KLK10: variants seen among roughly 807,000 people sequenced by gnomAD.
KLK10 encodes kallikrein related peptidase 10, also known as kallikrein-10.
KLK10 carries 27 observed loss-of-function variants against 25.7 expected under a neutral mutation model. The ratio of observed to expected loss-of-function variants is 1.05; its 90% CI spans 0.77 to 1.45. The LOEUF is 1.45. Among genes scored for constraint, KLK10 ranks in the 40% most tolerant of loss-of-function variants. KLK10 has a pLI of 0.00. For synonymous variants in KLK10, 173 were observed against 160.1 expected (o/e 1.08, Z -0.61); for missense variants, 386 against 370.0 (o/e 1.04, Z -0.35).
At position 51,019,059 on chromosome 19, in the gene KLK10, C is replaced by T. The variant is rs762602094; in HGVS notation, c.72G>A (p.Leu24=). The change falls in exon 2 of 6, where the codon CTG becomes CTA. Residue 24 remains leucine (L), a synonymous_variant. Coordinates refer to ENST00000358789, the MANE Select transcript of KLK10 (RefSeq NM_145888.3). The surrounding 1 kb of genome is among the most constrained non-coding windows in gnomAD (Gnocchi z 4.2). ...CGACCTTACCCCAGAGTTGCGCCATCAGCAGCGGCAGCAGCTTCGCCAGAG... is the reference window on the plus strand; with the variant it reads ...CGACCTTACCCCAGAGTTGCGCCATTAGCAGCGGCAGCAGCTTCGCCAGAG... ...ARALAKLLPL[L]MAQLWAAEAA... 4 of 1,604,048 alleles carry T rather than the reference C, an allele frequency of 2.5e-6. No individual in the cohort carries two copies. Among genetic ancestry groups the T allele is most frequent in the Non-Finnish European group, 3.4e-6 (4 of 1,178,972 alleles).
chr19:51,018,800 T>C, intron 2 of KLK10: 1 of 571,930 alleles, frequency 1.7e-6, no homozygotes, highest in Non-Finnish European at 3.1e-6. Context: ...CGGCGAAGAG[T>C]CCACGGAAGA....
chr19:51,018,019 A>G (rs1369432053), intron 2 of KLK10, among the ~76,000 whole-genome samples: 24 of 146,120 alleles, frequency 1.6e-4, no homozygotes, highest in African/African-American at 6.1e-4. Context: ...AAAAAAAAAA[A>G]AAAAAAGCCG....
At position 51,013,336 on chromosome 19, in the gene KLK10, C is replaced by G. The variant is rs1236814324; in HGVS notation, c.*1464G>C. The G allele has an allele frequency of 6.6e-6, 1 of 152,168 alleles. No individual in the cohort carries two copies. 9.4% of individuals were successfully genotyped at this position (152,168 alleles called of 1,614,324 possible). On this transcript the variant is annotated 3_prime_UTR_variant, in exon 6 of 6. Transcript: ENST00000358789. ...AAAGGACAAACAAACAAACAAAAAC[C>G]CCGTGCTTAATGGGAAATTTCTGTT... is the stretch of plus-strand genomic sequence containing the variant.
rs773134476 is a variant in KLK10 at position 51,018,337 on chromosome 19, AAAAG to A, written c.88+702_88+705del. On this transcript the variant is annotated intron_variant, in intron 2 of 5. Coordinates refer to ENST00000358789, the MANE Select transcript of KLK10 (RefSeq NM_145888.3). ...ACGAAAGAAAGAAAAGAAAGAAAGA[AAAAG>A]AAAAAAGAGAGAGAAAGGGAAAGAG... is the stretch of plus-strand genomic sequence containing the variant. The A allele has an allele frequency of 7.2e-5, 11 of 152,134 alleles. No homozygotes were observed. The East Asian group carries it at 1.5e-3, about 21-fold the overall frequency. 9.4% of individuals were successfully genotyped at this position (152,134 alleles called of 1,614,324 possible).
At chr19:51,018,195 GAA>G (rs2091358767) in intron 2 of KLK10, among the ~76,000 whole-genome samples, 1 of 67,572 alleles carries the variant, frequency 1.5e-5, no homozygotes, top group Non-Finnish European at 2.9e-5. Flanking sequence ...AAGAAGGAAA[GAA>G]AAAGAGAGAG....
Position 51,015,509 on chromosome 19 carries a change from G to C in KLK10, c.586C>G (p.Leu196Val). The change falls in exon 5 of 6, where the codon CTG becomes GTG. Residue 196 changes from leucine (L) to valine (V), a missense_variant. Physicochemically the swap from Leu to Val is conservative, Grantham distance 32. Coordinates refer to ENST00000358789, the MANE Select transcript of KLK10 (RefSeq NM_145888.3). ...AAGACCTCACACTCTTTAGGGCTCAGGATAGTGATGCTGGAGCAGGTCAGG... is the reference window on the plus strand; with the variant it reads ...AAGACCTCACACTCTTTAGGGCTCACGATAGTGATGCTGGAGCAGGTCAGG... Reference protein sequence around the residue: ...KGLTCSSITILSPKECEVFYP... With the variant: ...KGLTCSSITIVSPKECEVFYP... The C allele has an allele frequency of 6.2e-7, 1 of 1,613,886 alleles. No homozygotes were observed. The highest frequency in any genetic ancestry group is 8.5e-7 in the Non-Finnish European group (1 of 1,179,858).
chr19:51,015,379 C>T, intron 5 of KLK10, 38 bp downstream of exon 5: 2 of 1,600,504 alleles, frequency 1.2e-6, no homozygotes, highest in Non-Finnish European at 1.7e-6. Flanking sequence ...CCTGTCCTCC[C>T]TCCCAGGAGT....
intron 4 of KLK10, 63 bp from the exon 5 acceptor site, chr19:51,015,613 C>T (rs935391768): frequency 6.4e-7 from 1 of 1,558,116 alleles, no homozygotes; most frequent in African/African-American, 1.4e-5. Context: ...AGCCAGGAGT[C>T]CAGATACAAG....
Position 51,014,808 on chromosome 19 carries a change from A to G in KLK10, c.823T>C (p.Ser275Pro), listed in dbSNP as rs2091301257. The change falls in exon 6 of 6, where the codon TCC (serine) becomes CCC (proline). Residue 275 changes from serine (S) to proline (P), a missense_variant. Ser to Pro is a moderately conservative substitution (Grantham distance 74). Coordinates refer to ENST00000358789, the MANE Select transcript of KLK10 (RefSeq NM_145888.3). ...GGAGCGTAGCATCTGGATCAGTTGG[A>G]GCGTATGACTTTATTGATCCAGGAC... Reference protein sequence around the residue: ...YMSWINKVIRSN With the variant: ...YMSWINKVIRPN The G allele has an allele frequency of 6.2e-7, 1 of 1,610,856 alleles. No individual in the cohort carries two copies. The highest frequency in any genetic ancestry group is 8.5e-7 in the Non-Finnish European group (1 of 1,177,842).
chr19:51,018,238 AAT>A (rs2091360110), intron 2 of KLK10, among the ~76,000 whole-genome samples: 1 of 150,346 alleles, frequency 6.7e-6, no homozygotes, highest in Non-Finnish European at 1.5e-5. Context: ...AAGAAGAAAA[AAT>A]AAGAGAGAAA....
At chr19:51,016,230 G>T in intron 3 of KLK10, 74 bp from the exon 4 acceptor site, 4 of 1,444,198 alleles carry the variant, frequency 2.8e-6, no homozygotes, top group Middle Eastern at 2.0e-4. Flanking sequence ...GTGACGCAGG[G>T]CCTGGAGATA....
At position 51,018,164 on chromosome 19, in the gene KLK10, C is replaced by CAAAAAAAAAAAAAAA. The variant is rs35154267; in HGVS notation, c.88+864_89-875dup. On this transcript the variant is annotated intron_variant, in intron 2 of 5. Transcript: ENST00000358789. ...ACGGAGACAGAGCACTGCCCTGTCT[C>CAAAAAAAAAAAAAAA]AAAAAAAAAAAAAAAAAAAAAAGAA... is the stretch of plus-strand genomic sequence containing the variant. 4.9e-3 allele frequency among the ~76,000 whole-genome samples: 179 copies of CAAAAAAAAAAAAAAA among 36,442 alleles called. 1 individual carries two copies. Among genetic ancestry groups the CAAAAAAAAAAAAAAA allele is most frequent in the Non-Finnish European group, 5.0e-3 (112 of 22,622 alleles). The allele number at this position is 36,442 out of a possible 152,430, so 23.9% of individuals were successfully genotyped here.
chr19:51,014,962 G>T lies in KLK10; in HGVS notation c.679-10C>A. 6.2e-7 allele frequency: 1 copy of T among 1,610,674 alleles called. No homozygotes were observed. Among genetic ancestry groups the T allele is most frequent in the Non-Finnish European group, 8.5e-7 (1 of 1,178,676 alleles). On this transcript the variant is annotated splice_polypyrimidine_tract_variant and intron_variant, in intron 5 of 5. Transcript: ENST00000358789. The stretch of plus-strand genomic sequence containing the variant: ...GGCCTCCAGAGTCACTCTGGGGGTG[G>T]CAGGAAGGAGAGATCAAATAAATGT...
rs2091315104 is a variant in KLK10 at position 51,015,549 on chromosome 19, C to T, written c.546G>A (p.Val182=). ...AGCAGGTCAGGCCCTTGTTGTACTT[C>T]ACTGAAGGGAGAATATGCCAGTAAT... ...AGWGTTAARR[V]KYNKGLTCSS... is the part of the protein sequence containing the mutation. The change falls in exon 5 of 6, where the codon GTG becomes GTA. Residue 182 remains valine, a splice_region_variant and synonymous_variant. Coordinates refer to ENST00000358789, the MANE Select transcript of KLK10 (RefSeq NM_145888.3). 2 of 1,613,372 alleles carry T rather than the reference C, an allele frequency of 1.2e-6. No homozygotes were observed.
At chr19:51,016,621 T>C (rs1214566190) in intron 3 of KLK10, among the ~76,000 whole-genome samples, 1 of 151,120 alleles carries the variant, frequency 6.6e-6, no homozygotes, top group African/African-American at 2.4e-5. Flanking sequence ...TATTTTTAGT[T>C]GAGAAGTGGT....
chr19:51,015,899 G>T lies in KLK10; in HGVS notation c.527C>A (p.Thr176Asn). The T allele has an allele frequency of 6.4e-7, 1 of 1,566,036 alleles. No individual in the cohort carries two copies. The highest frequency in any genetic ancestry group is 8.6e-7 in the Non-Finnish European group (1 of 1,158,404). The change falls in exon 4 of 6, where the codon ACC becomes AAC. Residue 176 changes from threonine (T) to asparagine (N), a missense_variant. Thr to Asn is a moderately conservative substitution (Grantham distance 65, BLOSUM62 0). Transcript: ENST00000358789. ...GCTCTTGCCTCTCCGGGCGGCCGTG[G>T]TGCCCCAGCCAGCAACCTGGCACTG... ...GDQCQVAGWG[T>N]TAARRVKYNK...
rs1203196634 is a variant in KLK10, at chr19:51,014,683, G to T, written c.*117C>A. ...GTGGAGGGCGGCAGAGGTTTGAACA[G>T]TGCAGACAAGGGGAGAGTTCAGCCG... is the stretch of plus-strand genomic sequence containing the variant. On this transcript the variant is annotated 3_prime_UTR_variant, in exon 6 of 6. Coordinates refer to ENST00000358789, the MANE Select transcript of KLK10 (RefSeq NM_145888.3). 2 of 1,037,774 alleles carry T rather than the reference G, an allele frequency of 1.9e-6. No homozygotes were observed. The highest frequency in any genetic ancestry group is 1.6e-5 in the African/African-American group (1 of 63,842). 64.3% of individuals were successfully genotyped at this position (1,037,774 alleles called of 1,614,324 possible).
chr19:51,019,033 CCG>C lies in KLK10; in HGVS notation c.88+8_88+9del. On this transcript the variant is annotated splice_region_variant and intron_variant, in intron 2 of 5. Coordinates refer to ENST00000358789, the MANE Select transcript of KLK10 (RefSeq NM_145888.3). The surrounding 1 kb of genome is among the most constrained non-coding windows in gnomAD (Gnocchi z 4.2). ...CGGCGCCTCTCCCCGCCCCCTGCCCCCGACCTTACCCCAGAGTTGCGCCATCA... is the reference window on the plus strand; with the variant it reads ...CGGCGCCTCTCCCCGCCCCCTGCCCCACCTTACCCCAGAGTTGCGCCATCA... 2 of 1,589,824 alleles carry C rather than the reference CCG, an allele frequency of 1.3e-6. No homozygotes were observed. Among genetic ancestry groups the C allele is most frequent in the Non-Finnish European group, 8.5e-7 (1 of 1,171,890 alleles).
intron 4 of KLK10, 106 bp from the exon 5 acceptor site, chr19:51,015,656 C>T (rs891235297): frequency 7.4e-7 from 1 of 1,342,972 alleles, no homozygotes; most frequent in African/African-American, 1.4e-5. Context: ...GCCCCTCCTC[C>T]TTCAGACTCA....
Sources: gnomAD v4.1 joint callset for allele counts (sites outside exome capture counted in the v4.1 genomes callset) on GRCh38, gnomAD v4.1.1 for gene constraint, Gnocchi (gnomAD v3.1) non-coding constraint, MANE v1.5 for transcripts, NCBI Gene and HGNC (gene_info 2026-07-23, HGNC 2026-07-21) for gene names.